The following RAD51B variants were observed in gnomAD, a reference collection of about 807,000 sequenced individuals.
RAD51B encodes the protein DNA repair protein RAD51 homolog 2.
In RAD51B, 38 loss-of-function variants were observed where a neutral mutation model predicts 42.2. That is an observed-to-expected ratio of 0.90 (90% CI 0.70 to 1.18). The LOEUF is 1.18. Ranked by LOEUF, RAD51B falls within the 50% of genes most tolerant of loss-of-function variation. The pLI is 0.00. For missense variants in RAD51B, 373 were observed against 400.7 expected, an observed-to-expected ratio of 0.93 and a Z score of 0.59; for synonymous variants, 154 against 145.2, an observed-to-expected ratio of 1.06 and a Z score of -0.43.
At chr14:67,824,992 C>T (rs908107129) in intron 2 of RAD51B, among the ~76,000 whole-genome samples, 5 of 142,034 alleles carry the variant, frequency 3.5e-5, no homozygotes, top group Non-Finnish European at 6.0e-5. Flanking sequence ...GCAGAAGAAT[C>T]GCTTGAACCC....
intron 10 of RAD51B, among the ~76,000 whole-genome samples, chr14:68,552,620 A>C (rs1258931524): frequency 6.6e-6 from 1 of 152,240 alleles, no homozygotes; most frequent in Non-Finnish European, 1.5e-5. Flanking sequence ...AGAAAAATGC[A>C]ATAATCATAG....
At chr14:68,633,418 T>C (rs1432846247) in intron 10 of RAD51B, among the ~76,000 whole-genome samples, 1 of 152,110 alleles carries the variant, frequency 6.6e-6, no homozygotes, top group Non-Finnish European at 1.5e-5. Context: ...CCCAAACGGC[T>C]GGCTCCCCCA....
chr14:68,254,061 G>A (rs1004462072), intron 7 of RAD51B, among the ~76,000 whole-genome samples: 1 of 152,146 alleles, frequency 6.6e-6, no homozygotes, highest in Admixed American at 6.6e-5. Flanking sequence ...AGTGTCCCCA[G>A]TATATTAGTG....
intron 10 of RAD51B, among the ~76,000 whole-genome samples, chr14:68,607,135 G>A (rs902423143): frequency 2.6e-5 from 4 of 152,168 alleles, no homozygotes; most frequent in African/African-American, 4.8e-5. Context: ...AGGGTCATGC[G>A]GGCGGGCCAC....
intron 7 of RAD51B, among the ~76,000 whole-genome samples, chr14:68,041,111 C>T (rs2076210327): frequency 6.6e-6 from 1 of 152,160 alleles, no homozygotes; most frequent in Non-Finnish European, 1.5e-5. Flanking sequence ...AGTGAGTTCT[C>T]ATGAGATCTG....
intron 10 of RAD51B, among the ~76,000 whole-genome samples, chr14:68,511,234 G>A (rs1445056473): frequency 2.0e-5 from 3 of 152,110 alleles, no homozygotes; most frequent in African/African-American, 7.2e-5. Context: ...GGAATGATCC[G>A]GGCCAGCCTG....
intron 9 of RAD51B, among the ~76,000 whole-genome samples, chr14:68,437,368 G>T (rs997450100): frequency 6.6e-6 from 1 of 152,148 alleles, no homozygotes; most frequent in African/African-American, 2.4e-5. Context: ...TTACTTGATC[G>T]TGGTGAATTA....
At chr14:68,449,320 T>G (rs946346964) in intron 9 of RAD51B, among the ~76,000 whole-genome samples, 1 of 152,236 alleles carries the variant, frequency 6.6e-6, no homozygotes, top group African/African-American at 2.4e-5. Context: ...CTTTGCTTCA[T>G]CATTAACCTT....
At chr14:68,164,796 T>C (rs938313084) in intron 7 of RAD51B, among the ~76,000 whole-genome samples, 2 of 152,188 alleles carry the variant, frequency 1.3e-5, no homozygotes, top group South Asian at 2.1e-4. Flanking sequence ...TTCAGTAACA[T>C]GTACCAGATG....
chr14:68,179,154 G>C (rs1330366020), intron 7 of RAD51B, among the ~76,000 whole-genome samples: 4 of 152,140 alleles, frequency 2.6e-5, no homozygotes, highest in African/African-American at 4.8e-5. Flanking sequence ...CATTATGTGT[G>C]AAGCATTCCT....
chr14:68,268,071 C>T (rs1221117403), intron 7 of RAD51B, among the ~76,000 whole-genome samples: 2 of 152,136 alleles, frequency 1.3e-5, no homozygotes, highest in African/African-American at 2.4e-5. Flanking sequence ...AACATAAAGC[C>T]TCTGATGGAG....
chr14:68,014,355 T>G (rs2075739741), intron 7 of RAD51B, among the ~76,000 whole-genome samples: 1 of 152,130 alleles, frequency 6.6e-6, no homozygotes, highest in African/African-American at 2.4e-5. Flanking sequence ...TCAGTCTTCT[T>G]TGTCTCTCAG....
chr14:67,852,043 C>T (rs2041827077), intron 4 of RAD51B, among the ~76,000 whole-genome samples: 1 of 151,528 alleles, frequency 6.6e-6, no homozygotes, highest in Admixed American at 6.6e-5. Context: ...CTCTCAGGCT[C>T]TTCACTCCCT....
chr14:68,346,673 CT>C (rs1353022889), intron 8 of RAD51B, among the ~76,000 whole-genome samples: 3 of 152,296 alleles, frequency 2.0e-5, no homozygotes, highest in Admixed American at 1.3e-4. Context: ...CTTGAAATCC[CT>C]CAATGTCTTT....
At chr14:68,158,865 A>G (rs969609861) in intron 7 of RAD51B, among the ~76,000 whole-genome samples, 3 of 152,232 alleles carry the variant, frequency 2.0e-5, no homozygotes, top group African/African-American at 7.2e-5. Context: ...AATGAAAGAT[A>G]AATTCTCCCA....
chr14:68,399,116 A>G (rs1434245236), intron 8 of RAD51B, among the ~76,000 whole-genome samples: 1 of 152,210 alleles, frequency 6.6e-6, no homozygotes, highest in Non-Finnish European at 1.5e-5. Context: ...TTTTATATCA[A>G]TGACCAAGTA....
chr14:68,518,565 A>AG (rs1886336662), intron 10 of RAD51B, among the ~76,000 whole-genome samples: 1 of 32,442 alleles, frequency 3.1e-5, no homozygotes, highest in East Asian at 9.1e-4. Context: ...CCCCCCCCCC[A>AG]GGCCTCCCCC....
intron 7 of RAD51B, among the ~76,000 whole-genome samples, chr14:67,958,314 C>T (rs1162016430): frequency 6.6e-6 from 1 of 152,198 alleles, no homozygotes; most frequent in Non-Finnish European, 1.5e-5. Context: ...CTTCTGATCA[C>T]TATTAATCCA....
At chr14:68,298,030 A>G (rs1249729173) in intron 8 of RAD51B, among the ~76,000 whole-genome samples, 1 of 152,268 alleles carries the variant, frequency 6.6e-6, no homozygotes, top group East Asian at 1.9e-4. Context: ...CACGCCGGCC[A>G]GTGCTCTACT....
Sources: allele counts gnomAD v4.1 joint callset (sites outside exome capture counted in the v4.1 genomes callset), GRCh38; gene constraint gnomAD v4.1.1; transcripts MANE v1.5; gene names NCBI Gene and HGNC (gene_info 2026-07-23, HGNC 2026-07-21).